The following PCDHGA3 variants were observed in gnomAD, a reference collection of about 807,000 sequenced individuals.
PCDHGA3 encodes the protein protocadherin gamma-A3.
In PCDHGA3, 40 loss-of-function variants were observed where a neutral mutation model predicts 58.5. The observed-to-expected ratio is 0.68, with a 90% confidence interval of 0.53 to 0.89. PCDHGA3 has a LOEUF of 0.89. PCDHGA3 is among the 40% of genes least tolerant of loss of function. PCDHGA3 has a pLI of 0.00. For missense variants in PCDHGA3, 1,223 were observed against 1,195.9 expected (o/e 1.02, Z -0.33); for synonymous variants, 530 against 525.7 (o/e 1.01, Z -0.11).
chr5:141,367,840 G>A (rs1011519474), intron 1 of PCDHGA3: 3 of 151,982 alleles, frequency 2.0e-5, no homozygotes, highest in Admixed American at 2.0e-4. Flanking sequence ...AATACCTACT[G>A]CAATGTTAGC....
chr5:141,372,278 G>C (rs756938433), intron 1 of PCDHGA3: 2 of 1,613,032 alleles, frequency 1.2e-6, no homozygotes, highest in Admixed American at 1.7e-5. Flanking sequence ...AGGTGCGCAC[G>C]GCGCGTACCT....
chr5:141,411,544 AC>A (rs2095497010), intron 1 of PCDHGA3: 1 of 152,298 alleles, frequency 6.6e-6, no homozygotes. Context: ...TGATCTTGCC[AC>A]TGCACTCCAG....
chr5:141,392,882 G>A (rs1394691115), intron 1 of PCDHGA3: 2 of 1,613,502 alleles, frequency 1.2e-6, no homozygotes, highest in Non-Finnish European at 1.7e-6. Flanking sequence ...TGGGAACGCT[G>A]TGGGAAATCG....
intron 2 of PCDHGA3, among the ~76,000 whole-genome samples, chr5:141,500,216 ATTT>A (rs979396489): frequency 3.1e-4 from 46 of 149,244 alleles, no homozygotes; most frequent in Non-Finnish European, 6.7e-4. Context: ...TTATTTATTT[ATTT>A]ATTTATTGAT....
intron 1 of PCDHGA3, among the ~76,000 whole-genome samples, chr5:141,472,422 C>T (rs1328468154): frequency 6.6e-6 from 1 of 152,008 alleles, no homozygotes; most frequent in East Asian, 1.9e-4. Flanking sequence ...GCACCTGTAT[C>T]CCAGCTACTA....
chr5:141,355,692 A>C (rs1561509462), intron 1 of PCDHGA3: 1 of 1,614,008 alleles, frequency 6.2e-7, no homozygotes, highest in East Asian at 2.2e-5. Flanking sequence ...ATGTAGGTGT[A>C]AACTCCCTGC....
At chr5:141,422,500 G>A (rs762511271) in intron 1 of PCDHGA3, 1 of 1,614,008 alleles carries the variant, frequency 6.2e-7, no homozygotes, top group Non-Finnish European at 8.5e-7. Flanking sequence ...AACGTTGACA[G>A]CCACAGACCA....
intron 2 of PCDHGA3, among the ~76,000 whole-genome samples, chr5:141,500,739 C>T (rs1199462920): frequency 6.6e-6 from 1 of 152,114 alleles, no homozygotes; most frequent in Non-Finnish European, 1.5e-5. Context: ...CAAAATTCTT[C>T]CCAAGTCATT....
chr5:141,424,082 C>T (rs2096798510), intron 1 of PCDHGA3: 2 of 957,226 alleles, frequency 2.1e-6, no homozygotes, highest in East Asian at 1.1e-4. Flanking sequence ...TTATATTCCA[C>T]CATTATTTGC....
In PCDHGA3 at chr5:141,345,529, C is replaced by A. The variant is rs768093121; in HGVS notation, c.1496C>A (p.Ala499Glu). 8.7e-6 allele frequency: 14 copies of A among 1,614,048 alleles called. No homozygotes were observed. Among genetic ancestry groups the A allele is most frequent in the African/African-American group, 4.0e-5 (3 of 74,930 alleles). ...TTGACCGAGGACACTCTCCAGGGGG[C>A]GCCCCTGTCCTCCTTCGTCTCTATC... is the stretch of plus-strand genomic sequence containing the variant. ...YALTEDTLQG[A>E]PLSSFVSINS... is the part of the protein sequence containing the mutation. Residue 499 changes from alanine to glutamate, a missense_variant, in exon 1 of 4, where the codon GCG becomes GAG. Physicochemically the swap from Ala to Glu is moderately radical, Grantham distance 107. Transcript: ENST00000253812.
At chr5:141,456,700 C>T (rs1420857227) in intron 1 of PCDHGA3, among the ~76,000 whole-genome samples, 1 of 152,060 alleles carries the variant, frequency 6.6e-6, no homozygotes, top group Admixed American at 6.6e-5. Flanking sequence ...CGTGGTGGCT[C>T]GCGCCTGTAA....
intron 1 of PCDHGA3, chr5:141,418,778 T>C (rs1256260275): frequency 6.2e-7 from 1 of 1,613,744 alleles, no homozygotes; most frequent in Non-Finnish European, 8.5e-7. Context: ...TCAGCAGCCT[T>C]TGGATTTTGA....
intron 1 of PCDHGA3, chr5:141,421,995 C>G (rs750731453): frequency 6.2e-7 from 1 of 1,608,844 alleles, no homozygotes; most frequent in South Asian, 1.1e-5. Context: ...CAGAAAACAT[C>G]AGCTCCGGAA....
chr5:141,344,926 G>GT lies in PCDHGA3; in HGVS notation c.894dup (p.Gly299TrpfsTer12). On this transcript the variant is annotated frameshift_variant, in exon 1 of 4. Transcript: ENST00000253812. LOFTEE classifies it high-confidence loss of function. ...GAGATTTTCCATCTTAACTCAGTGA[G>GT]TGGAGAAGTATCAATATTAAAAAGT... 6.2e-7 allele frequency: 1 copy of GT among 1,613,900 alleles called. No homozygotes were observed. The highest frequency in any genetic ancestry group is 8.5e-7 in the Non-Finnish European group (1 of 1,179,828).
rs1023140435 is a variant in PCDHGA3, at chr5:141,415,749, T to G, written c.2424+69292T>G. The G allele has an allele frequency of 4.7e-4, 569 of 1,213,970 alleles. 1 individual carries two copies. Among genetic ancestry groups the G allele is most frequent in the Admixed American group, 3.5e-3 (90 of 25,886 alleles). The allele number at this position is 1,213,970 out of a possible 1,614,324, so 75.2% of individuals were successfully genotyped here. The stretch of plus-strand genomic sequence containing the variant: ...TTTGATGTTTATTAAGGTTTTTTTT[T>G]TTTTTTTTTTTTTTTTTTTTTTTAC... On this transcript the variant is annotated intron_variant, in intron 1 of 3. Transcript: ENST00000253812.
rs191844335 is a variant in PCDHGA3 at position 141,394,289 on chromosome 5, C to A, written c.2424+47832C>A. ...ATGCCCAGGTCACTTACTCTGTGAC[C>A]GAGGACACGCTGCAGGGGGCGCCCC... On this transcript the variant is annotated intron_variant, in intron 1 of 3. Coordinates refer to ENST00000253812, the MANE Select transcript of PCDHGA3 (RefSeq NM_018916.4). The A allele has an allele frequency of 3.8e-5, 61 of 1,613,954 alleles. 1 individual carries two copies. In the African/African-American group the frequency reaches 6.0e-4, roughly 16 times the overall value.
At chr5:141,479,975 C>A (rs1459297521) in intron 1 of PCDHGA3, among the ~76,000 whole-genome samples, 1 of 152,186 alleles carries the variant, frequency 6.6e-6, no homozygotes, top group East Asian at 1.9e-4. Context: ...TGAGGTTCTA[C>A]CATTTACCAA....
chr5:141,430,471 T>TA (rs759564776), intron 1 of PCDHGA3: 176 of 234,152 alleles, frequency 7.5e-4, no homozygotes, highest in Non-Finnish European at 1.1e-3. Context: ...TGGAGCTATT[T>TA]AAGATATAAA....
chr5:141,369,516 T>C (rs1766308366), intron 1 of PCDHGA3, among the ~76,000 whole-genome samples: 1 of 151,978 alleles, frequency 6.6e-6, no homozygotes, highest in South Asian at 2.1e-4. Flanking sequence ...AAAAAAAAAG[T>C]TTTCAATCAT....
Sources: gnomAD v4.1 joint callset for allele counts (sites outside exome capture counted in the v4.1 genomes callset) on GRCh38, gnomAD v4.1.1 for gene constraint, MANE v1.5 for transcripts, NCBI Gene and HGNC (gene_info 2026-07-23, HGNC 2026-07-21) for gene names.